Variants in RPTOR observed in about 807,000 individuals in gnomAD.
RPTOR encodes the protein regulatory associated protein of MTOR complex 1.
In RPTOR, 21 loss-of-function variants were observed where a neutral mutation model predicts 169.9. The ratio of observed to expected loss-of-function variants is 0.12; its 90% CI spans 0.09 to 0.18. RPTOR has a LOEUF of 0.18. Among genes scored for constraint, RPTOR ranks in the 10% least tolerant of loss-of-function variants. The pLI is 1.00. For missense variants in RPTOR, 1,133 were observed against 1,855.9 expected (o/e 0.61, Z 7.16); for synonymous variants, 732 against 753.2 (o/e 0.97, Z 0.46).
At chr17:80,838,822 G>A (rs1477717250) in intron 10 of RPTOR, among the ~76,000 whole-genome samples, 2 of 152,336 alleles carry the variant, frequency 1.3e-5, no homozygotes, top group South Asian at 2.1e-4. Flanking sequence ...CTTTGCCACC[G>A]AGGGCAAGTT....
chr17:80,787,761 G>A (rs2067008172), intron 6 of RPTOR, among the ~76,000 whole-genome samples: 2 of 152,032 alleles, frequency 1.3e-5, no homozygotes, highest in Non-Finnish European at 2.9e-5. Context: ...CTCTCATATC[G>A]CATGATGTTG....
intron 3 of RPTOR, among the ~76,000 whole-genome samples, chr17:80,703,137 A>G (rs950461810): frequency 7.2e-5 from 11 of 152,098 alleles, no homozygotes; most frequent in African/African-American, 1.9e-4. Context: ...GTTCTTCACC[A>G]CTATGCATGG....
intron 5 of RPTOR, among the ~76,000 whole-genome samples, chr17:80,740,293 A>G (rs2066470718): frequency 6.6e-6 from 1 of 152,226 alleles, no homozygotes; most frequent in East Asian, 1.9e-4. Flanking sequence ...CTGAAACATA[A>G]ATCTGCAGGC....
chr17:80,843,160 A>G (rs1175565551), intron 10 of RPTOR, among the ~76,000 whole-genome samples: 1 of 152,252 alleles, frequency 6.6e-6, no homozygotes, highest in Non-Finnish European at 1.5e-5. Context: ...TTGAGATTAC[A>G]GTTAATCTAC....
At chr17:80,642,968 A>G (rs1344306022) in intron 2 of RPTOR, among the ~76,000 whole-genome samples, 1 of 152,238 alleles carries the variant, frequency 6.6e-6, no homozygotes, top group Non-Finnish European at 1.5e-5. Flanking sequence ...TTTGGAAAAA[A>G]TAGTTATTTT....
intron 3 of RPTOR, among the ~76,000 whole-genome samples, chr17:80,672,561 C>T (rs148374012): frequency 0.013 from 2,014 of 152,122 alleles, 57 homozygotes; most frequent in African/African-American, 0.046. Flanking sequence ...GAGGCCGAGG[C>T]GGGCAGATCA....
At chr17:80,742,427 A>G (rs1043318328) in intron 5 of RPTOR, among the ~76,000 whole-genome samples, 2 of 149,996 alleles carry the variant, frequency 1.3e-5, no homozygotes, top group Non-Finnish European at 1.5e-5. Flanking sequence ...GCACAGCACA[A>G]TCAAGTTTAG....
At chr17:80,921,425 A>G (rs1234709006) in intron 21 of RPTOR, among the ~76,000 whole-genome samples, 1 of 151,968 alleles carries the variant, frequency 6.6e-6, no homozygotes, top group African/African-American at 2.4e-5. Context: ...CATTCCCCCC[A>G]CTGAGCAGTG....
At chr17:80,773,191 G>A (rs376381460) in intron 6 of RPTOR, among the ~76,000 whole-genome samples, 1 of 152,206 alleles carries the variant, frequency 6.6e-6, no homozygotes, top group Non-Finnish European at 1.5e-5. Context: ...ACCACTCTTG[G>A]GACAGGTGGG....
chr17:80,841,840 G>A lies in RPTOR; in HGVS notation c.1212+3843G>A, dbSNP rs555291998. 8.3e-3 allele frequency among the ~76,000 whole-genome samples: 1,046 copies of A among 126,156 alleles called. 82 individuals are homozygous for A. Among genetic ancestry groups the A allele is most frequent in the African/African-American group, 0.034 (966 of 28,182 alleles). The allele number at this position is 126,156 out of a possible 152,430, so 82.8% of individuals were successfully genotyped here. ...GGCAGCTCACTCTCACCGCACGGCA[G>A]CTCACACTCACCGCACGGCAGCTGA... On this transcript the variant is annotated intron_variant, in intron 10 of 33. Coordinates refer to ENST00000306801, the MANE Select transcript of RPTOR (RefSeq NM_020761.3).
intron 1 of RPTOR, among the ~76,000 whole-genome samples, chr17:80,564,121 G>C (rs1356121034): frequency 6.6e-6 from 1 of 151,424 alleles, no homozygotes; most frequent in Non-Finnish European, 1.5e-5. Context: ...GGAGTGCAGT[G>C]GTGTGATCTG....
chr17:80,620,027 C>T (rs368796801), intron 1 of RPTOR, among the ~76,000 whole-genome samples: 3 of 152,100 alleles, frequency 2.0e-5, no homozygotes, highest in African/African-American at 7.2e-5. Context: ...GCTGGGAAGA[C>T]CAGTCATGAG....
At chr17:80,920,135 G>A (rs1172783432) in intron 21 of RPTOR, among the ~76,000 whole-genome samples, 1 of 152,202 alleles carries the variant, frequency 6.6e-6, no homozygotes, top group Non-Finnish European at 1.5e-5. Context: ...CTTTGCCCCT[G>A]CCCCAGCCAG....
chr17:80,871,727 A>G (rs889361884), intron 13 of RPTOR, among the ~76,000 whole-genome samples: 1 of 152,216 alleles, frequency 6.6e-6, no homozygotes. Context: ...TTATTTATAT[A>G]GGCTTACTGT....
rs1378827337 is a variant in RPTOR, at chr17:80,548,380, T to TA, written c.162+2589_162+2590insA. ...CGCTCAGCCTGGGGTGGTTTTTTTT[T>TA]TTTTTTTTTTTTTTTTTTGAGATGG... On this transcript the variant is annotated intron_variant, in intron 1 of 33. Coordinates refer to ENST00000306801, the MANE Select transcript of RPTOR (RefSeq NM_020761.3). Among the ~76,000 whole-genome samples, 5 of 139,166 alleles carry TA rather than the reference T, an allele frequency of 3.6e-5. No homozygotes were observed. The East Asian group carries it at 1.1e-3, about 29-fold the overall frequency. The allele number at this position is 139,166 out of a possible 152,430, so 91.3% of individuals were successfully genotyped here.
chr17:80,685,620 TATATA>T (rs1207611473), intron 3 of RPTOR, among the ~76,000 whole-genome samples: 36 of 27,506 alleles, frequency 1.3e-3, no homozygotes, highest in South Asian at 3.6e-3. Flanking sequence ...TATATATATA[TATATA>T]TATTTTTTTT....
intron 6 of RPTOR, among the ~76,000 whole-genome samples, chr17:80,787,604 C>T (rs2067006548): frequency 6.6e-6 from 1 of 152,180 alleles, no homozygotes; most frequent in Non-Finnish European, 1.5e-5. Context: ...AAGGTGCTTT[C>T]CCAGTGGTTG....
intron 12 of RPTOR, among the ~76,000 whole-genome samples, chr17:80,857,340 CGTCACGGAGAGGTGGCCGTGGT>C (rs1158827481): frequency 4.6e-5 from 7 of 152,160 alleles, no homozygotes; most frequent in Non-Finnish European, 1.0e-4. Context: ...CTGGCCGTGC[CGTCACGGAGAGGTGGCCGTGGT>C]GTCACGGAGA....
rs980484616 is a variant in RPTOR, at chr17:80,844,783, G to T, written c.1213-1690G>T. On this transcript the variant is annotated intron_variant, in intron 10 of 33. Transcript: ENST00000306801. This position sits in a 1 kb window ranked among gnomAD's most constrained non-coding sequence, Gnocchi z 4.7. The stretch of plus-strand genomic sequence containing the variant: ...GCACCCTGTCCTGCTCCTGGCGTTC[G>T]CCTGTCCACATGTGTCCACATTCAC... 1.3e-5 allele frequency among the ~76,000 whole-genome samples: 2 copies of T among 152,184 alleles called. No individual in the cohort carries two copies. Among genetic ancestry groups the T allele is most frequent in the African/African-American group, 4.8e-5 (2 of 41,438 alleles).
Sources: gnomAD v4.1 joint callset for allele counts (sites outside exome capture counted in the v4.1 genomes callset) on GRCh38, gnomAD v4.1.1 for gene constraint, Gnocchi (gnomAD v3.1) non-coding constraint, MANE v1.5 for transcripts, NCBI Gene and HGNC (gene_info 2026-07-23, HGNC 2026-07-21) for gene names.